ALK: variants seen among roughly 807,000 people sequenced by gnomAD.
The protein encoded by ALK is ALK receptor tyrosine kinase, also known as ALK tyrosine kinase receptor.
In ALK, 74 loss-of-function variants were observed where a neutral mutation model predicts 163.1. That is an observed-to-expected ratio of 0.45 (90% CI 0.38 to 0.55). The LOEUF is 0.55. Among genes scored for constraint, ALK ranks in the 20% least tolerant of loss-of-function variants. ALK has a pLI of 0.00. For synonymous variants in ALK, 960 were observed against 843.2 expected (o/e 1.14, Z -2.40); for missense variants, 2,063 against 2,105.3 (o/e 0.98, Z 0.39).
At chr2:29,565,122 T>C (rs1004782805) in intron 3 of ALK, among the ~76,000 whole-genome samples, 4 of 152,256 alleles carry the variant, frequency 2.6e-5, no homozygotes, top group Non-Finnish European at 4.4e-5. Flanking sequence ...GACAACGTGA[T>C]ATGGTGCCCT....
chr2:29,662,825 T>G lies in ALK; in HGVS notation c.952+32025A>C, dbSNP rs573576090. Among the ~76,000 whole-genome samples, 7 of 152,196 alleles carry G rather than the reference T, an allele frequency of 4.6e-5. No homozygotes were observed. In the South Asian group the frequency reaches 1.2e-3, roughly 27 times the overall value. On this transcript the variant is annotated intron_variant, in intron 3 of 28. Coordinates refer to ENST00000389048, the MANE Select transcript of ALK (RefSeq NM_004304.5). ...CAAGAGAAATTTGTGTGCCTGCTTTTATAATATCATGTTTAACCCTTGCTA... is the reference window on the plus strand; with the variant it reads ...CAAGAGAAATTTGTGTGCCTGCTTTGATAATATCATGTTTAACCCTTGCTA...
chr2:29,625,492 A>T (rs1676166470), intron 3 of ALK, among the ~76,000 whole-genome samples: 1 of 152,192 alleles, frequency 6.6e-6, no homozygotes, highest in African/African-American at 2.4e-5. Context: ...AATTACAACT[A>T]CCTAAATTTC....
chr2:29,399,833 G>C (rs371033017), intron 4 of ALK, among the ~76,000 whole-genome samples: 1 of 152,162 alleles, frequency 6.6e-6, no homozygotes, highest in African/African-American at 2.4e-5. Context: ...AATGAACATT[G>C]GTTCTTGTGG....
In ALK at chr2:29,214,063, C is replaced by G. The variant is rs1060500207; in HGVS notation, c.3664G>C (p.Ala1222Pro). ...GCCACGTGCAGAAGGTCCAGCATGG[C>G]CAGGGAGGAGGGCTGGCTCTGTGGG... Reference protein sequence around the residue: ...RPRPSQPSSLAMLDLLHVARD... With the variant: ...RPRPSQPSSLPMLDLLHVARD... Residue 1222 changes from alanine (A) to proline (P), a missense_variant, in exon 24 of 29, where the codon GCC becomes CCC. Transcript: ENST00000389048. The G allele has an allele frequency of 6.2e-7, 1 of 1,613,986 alleles. No homozygotes were observed. The highest frequency in any genetic ancestry group is 1.1e-5 in the South Asian group (1 of 91,070).
At chr2:29,226,878 T>C (rs774141264) in intron 18 of ALK, 44 bp downstream of exon 18, 2 of 1,611,950 alleles carry the variant, frequency 1.2e-6, no homozygotes, top group Admixed American at 3.3e-5. Flanking sequence ...GGGCCAAATC[T>C]CAGGCTATGG....
chr2:29,510,188 C>T (rs900060400), intron 4 of ALK, among the ~76,000 whole-genome samples: 1 of 152,158 alleles, frequency 6.6e-6, no homozygotes, highest in African/African-American at 2.4e-5. Flanking sequence ...TTTCATCCCA[C>T]CCAGGCAGTG....
At chr2:29,238,438 C>T (rs1664437457) in intron 13 of ALK, among the ~76,000 whole-genome samples, 1 of 152,150 alleles carries the variant, frequency 6.6e-6, no homozygotes. Flanking sequence ...CTCAAGTGAT[C>T]CTCCCGCTTT....
chr2:29,500,986 G>A (rs1672160602), intron 4 of ALK, among the ~76,000 whole-genome samples: 1 of 152,120 alleles, frequency 6.6e-6, no homozygotes, highest in Non-Finnish European at 1.5e-5. Context: ...CTTGCTTCCT[G>A]CATTGCTGAG....
At chr2:29,510,908 C>T (rs965114685) in intron 4 of ALK, among the ~76,000 whole-genome samples, 3 of 152,158 alleles carry the variant, frequency 2.0e-5, no homozygotes, top group Non-Finnish European at 4.4e-5. Flanking sequence ...GCTGTGTCTG[C>T]ACTGTGCAAG....
At chr2:29,670,154 T>G (rs1677638461) in intron 3 of ALK, among the ~76,000 whole-genome samples, 1 of 152,128 alleles carries the variant, frequency 6.6e-6, no homozygotes, top group Non-Finnish European at 1.5e-5. Flanking sequence ...GTGTTTATTT[T>G]TGTTTCAGAT....
chr2:29,772,617 A>G (rs568620807), intron 1 of ALK, among the ~76,000 whole-genome samples: 1 of 152,374 alleles, frequency 6.6e-6, no homozygotes, highest in South Asian at 2.1e-4. Context: ...TATTATTTAC[A>G]GAAGTCTAGC....
chr2:29,400,390 T>A (rs1669414665), intron 4 of ALK, among the ~76,000 whole-genome samples: 1 of 152,154 alleles, frequency 6.6e-6, no homozygotes, highest in South Asian at 2.1e-4. Context: ...TATTGGGAGA[T>A]CCATGCTCTT....
At chr2:29,616,079 C>T (rs778299494) in intron 3 of ALK, among the ~76,000 whole-genome samples, 16 of 152,160 alleles carry the variant, frequency 1.1e-4, no homozygotes, top group African/African-American at 2.4e-4. Flanking sequence ...CTGGTGAGGC[C>T]GACATCTCTA....
intron 2 of ALK, among the ~76,000 whole-genome samples, chr2:29,714,155 A>G (rs770398716): frequency 3.3e-5 from 5 of 152,138 alleles, no homozygotes; most frequent in Non-Finnish European, 5.9e-5. Context: ...ATGAGAGCTG[A>G]TGATAAAAAG....
intron 3 of ALK, among the ~76,000 whole-genome samples, chr2:29,533,026 G>A (rs1673160656): frequency 6.6e-6 from 1 of 152,124 alleles, no homozygotes; most frequent in Non-Finnish European, 1.5e-5. Flanking sequence ...ATAAACAATG[G>A]TGCAGATAAA....
intron 1 of ALK, among the ~76,000 whole-genome samples, chr2:29,915,340 T>C (rs1454102926): frequency 6.6e-6 from 1 of 152,136 alleles, no homozygotes; most frequent in East Asian, 1.9e-4. Flanking sequence ...TTCAAGCAAC[T>C]CTCCTGAGTA....
chr2:29,276,699 C>T (rs112708709), intron 9 of ALK, among the ~76,000 whole-genome samples: 12 of 152,220 alleles, frequency 7.9e-5, no homozygotes, highest in East Asian at 1.9e-4. Context: ...ACCTCAAAGA[C>T]GTGATGCTAA....
chr2:29,842,618 C>G (rs928681238), intron 1 of ALK, among the ~76,000 whole-genome samples: 2 of 152,182 alleles, frequency 1.3e-5, no homozygotes, highest in African/African-American at 2.4e-5. Context: ...TTAGTGACAG[C>G]TGATTACCTC....
At chr2:29,483,440 G>A (rs911526703) in intron 4 of ALK, among the ~76,000 whole-genome samples, 3 of 152,250 alleles carry the variant, frequency 2.0e-5, no homozygotes, top group South Asian at 2.1e-4. Flanking sequence ...ACCAGTAGGC[G>A]GTATCTCCTG....
Sources: allele counts gnomAD v4.1 joint callset (sites outside exome capture counted in the v4.1 genomes callset), GRCh38; gene constraint gnomAD v4.1.1; transcripts MANE v1.5; gene names NCBI Gene and HGNC (gene_info 2026-07-23, HGNC 2026-07-21).